CAP2: variants seen among roughly 807,000 people sequenced by gnomAD.
CAP2 encodes the protein adenylyl cyclase-associated protein 2.
A neutral mutation model predicts 57.7 loss-of-function variants in CAP2; 24 were observed. That is an observed-to-expected ratio of 0.42 (90% CI 0.30 to 0.58). The LOEUF is 0.58. Ranked by LOEUF, CAP2 falls within the 20% of genes least tolerant of loss-of-function variation. CAP2 has a pLI of 0.22. For synonymous variants in CAP2, 194 were observed against 207.2 expected (o/e 0.94, Z 0.55); for missense variants, 501 against 590.3 (o/e 0.85, Z 1.57).
chr6:17,463,111 A>G (rs1760771380), intron 4 of CAP2, 38 bp downstream of exon 4: 2 of 1,427,998 alleles, frequency 1.4e-6, no homozygotes. Context: ...GTCCCAGGGT[A>G]TGCGCAGTGT....
chr6:17,430,641 C>T (rs1350362500), intron 3 of CAP2, among the ~76,000 whole-genome samples: 2 of 151,542 alleles, frequency 1.3e-5, no homozygotes, highest in African/African-American at 2.4e-5. Context: ...CGGGTTCAAG[C>T]GATTCTCCTG....
In CAP2 at chr6:17,507,523, T is replaced by C. The variant is rs916817187; in HGVS notation, c.445-118T>C. 73 of 795,876 alleles carry C rather than the reference T, an allele frequency of 9.2e-5. No individual in the cohort carries two copies. In the South Asian group the frequency reaches 1.0e-3, roughly 11 times the overall value. 49.3% of individuals were successfully genotyped at this position (795,876 alleles called of 1,614,324 possible). On this transcript the variant is annotated intron_variant, in intron 5 of 12. Transcript: ENST00000229922. The stretch of plus-strand genomic sequence containing the variant: ...TTTTATCAACCTTTACAGAGCAACA[T>C]GTGCCTCCCACTTTCAAGTCCACGC...
At chr6:17,534,917 A>G (rs192717263) in intron 7 of CAP2, among the ~76,000 whole-genome samples, 58 of 152,310 alleles carry the variant, frequency 3.8e-4, no homozygotes, top group African/African-American at 1.3e-3. Flanking sequence ...ATCTGGGTAC[A>G]TGTACCCCCC....
intron 4 of CAP2, among the ~76,000 whole-genome samples, chr6:17,494,682 T>A (rs573444010): frequency 2.8e-4 from 43 of 152,280 alleles, no homozygotes; most frequent in Non-Finnish European, 4.6e-4. Flanking sequence ...TCTCTCCCCC[T>A]GTGATGGTTA....
chr6:17,503,318 C>T (rs1264566735), intron 4 of CAP2, among the ~76,000 whole-genome samples: 2 of 152,232 alleles, frequency 1.3e-5, no homozygotes, highest in East Asian at 3.9e-4. Flanking sequence ...CTTATAAAGA[C>T]ACCAGTCAGG....
intron 3 of CAP2, among the ~76,000 whole-genome samples, chr6:17,462,658 T>G (rs529543630): frequency 6.6e-6 from 1 of 152,314 alleles, no homozygotes; most frequent in East Asian, 1.9e-4. Flanking sequence ...ACAAATGTAC[T>G]CTTTTGCGAC....
chr6:17,449,473 C>T lies in CAP2; in HGVS notation c.223-13523C>T, dbSNP rs192282507. Among the ~76,000 whole-genome samples, 356 of 152,110 alleles carry T rather than the reference C, an allele frequency of 2.3e-3. 1 individual carries two copies. Among genetic ancestry groups the T allele is most frequent in the Non-Finnish European group, 3.6e-3 (248 of 67,994 alleles). On this transcript the variant is annotated intron_variant, in intron 3 of 12. Transcript: ENST00000229922. ...CCAGGCTGGAGTGCAATGGTGCCAT[C>T]TCAGCTCACTGCAACCTCCGCCTCT...
At chr6:17,425,444 G>T (rs1759565800) in intron 2 of CAP2, among the ~76,000 whole-genome samples, 1 of 152,174 alleles carries the variant, frequency 6.6e-6, no homozygotes. Flanking sequence ...GGAAGAAAAT[G>T]AGTGAAATCA....
At chr6:17,500,827 A>C (rs973827253) in intron 4 of CAP2, among the ~76,000 whole-genome samples, 2 of 152,202 alleles carry the variant, frequency 1.3e-5, no homozygotes, top group African/African-American at 4.8e-5. Flanking sequence ...ATATCTTTCC[A>C]TACATTTTCT....
intron 4 of CAP2, among the ~76,000 whole-genome samples, chr6:17,483,748 G>A (rs1425665001): frequency 6.6e-6 from 1 of 152,156 alleles, no homozygotes; most frequent in Non-Finnish European, 1.5e-5. Context: ...CAAGGCTGCT[G>A]AGAGATTCCT....
At chr6:17,501,218 G>A (rs764667598) in intron 4 of CAP2, among the ~76,000 whole-genome samples, 1 of 152,074 alleles carries the variant, frequency 6.6e-6, no homozygotes, top group East Asian at 1.9e-4. Flanking sequence ...GGTTTGAATC[G>A]CCATTACTTA....
chr6:17,439,719 A>G lies in CAP2; in HGVS notation c.222+13029A>G, dbSNP rs12663491. 3.3e-5 allele frequency among the ~76,000 whole-genome samples: 5 copies of G among 151,662 alleles called. No individual in the cohort carries two copies. In the East Asian group the frequency reaches 9.7e-4, roughly 29 times the overall value. ...GCGTGCAGTGTTCACAATAGGGTTC[A>G]TGCTCCTATGAGAATCTAATGCCAT... is the stretch of plus-strand genomic sequence containing the variant. On this transcript the variant is annotated intron_variant, in intron 3 of 12. Transcript: ENST00000229922.
chr6:17,479,841 T>A (rs1761244702), intron 4 of CAP2, among the ~76,000 whole-genome samples: 1 of 151,930 alleles, frequency 6.6e-6, no homozygotes, highest in Non-Finnish European at 1.5e-5. Flanking sequence ...GATCTCGATC[T>A]CCTGACCTCG....
intron 3 of CAP2, among the ~76,000 whole-genome samples, chr6:17,427,536 T>C (rs1365069201): frequency 6.6e-6 from 1 of 151,300 alleles, no homozygotes; most frequent in African/African-American, 2.4e-5. Flanking sequence ...GGGGAGAAAC[T>C]GGAGCCTCTA....
chr6:17,517,674 G>A (rs1298491489), intron 7 of CAP2, among the ~76,000 whole-genome samples: 1 of 152,120 alleles, frequency 6.6e-6, no homozygotes, highest in African/African-American at 2.4e-5. Flanking sequence ...GCTGAGGCAG[G>A]TGGATCACCT....
At chr6:17,531,062 C>G (rs2113687486) in intron 7 of CAP2, 1 of 785,672 alleles carries the variant, frequency 1.3e-6, no homozygotes, top group Non-Finnish European at 2.3e-6. Flanking sequence ...TGGTATAGAT[C>G]TCATGAATCA....
intron 3 of CAP2, among the ~76,000 whole-genome samples, chr6:17,447,205 CAG>C (rs1319154789): frequency 1.8e-4 from 27 of 150,370 alleles, no homozygotes; most frequent in Non-Finnish European, 1.0e-4. Flanking sequence ...TTTGTAGAGA[CAG>C]GGGGATCTCA....
intron 3 of CAP2, among the ~76,000 whole-genome samples, chr6:17,440,183 T>C (rs1275485070): frequency 6.6e-6 from 1 of 151,692 alleles, no homozygotes; most frequent in African/African-American, 2.4e-5. Context: ...TCAAGTCCAC[T>C]TTTGTATCCT....
At chr6:17,531,118 T>A (rs902862212) in intron 7 of CAP2, 6 of 761,990 alleles carry the variant, frequency 7.9e-6, no homozygotes, top group African/African-American at 1.7e-5. Flanking sequence ...GATTGAGCCA[T>A]CAAAGCCTCA....
Sources: gnomAD v4.1 joint callset for allele counts (sites outside exome capture counted in the v4.1 genomes callset) on GRCh38, gnomAD v4.1.1 for gene constraint, MANE v1.5 for transcripts, NCBI Gene and HGNC (gene_info 2026-07-23, HGNC 2026-07-21) for gene names.